The following IGDCC4 variants were observed in gnomAD, a reference collection of about 807,000 sequenced individuals.
IGDCC4 encodes immunoglobulin superfamily DCC subclass member 4.
A neutral mutation model predicts 116.6 loss-of-function variants in IGDCC4; 72 were observed. That is an observed-to-expected ratio of 0.62 (90% CI 0.51 to 0.75). The LOEUF is 0.75. Ranked by LOEUF, IGDCC4 falls within the 30% of genes least tolerant of loss-of-function variation. The pLI, the probability that IGDCC4 is intolerant of heterozygous loss-of-function variation, is 0.00. For synonymous variants in IGDCC4, 709 were observed against 719.9 expected (o/e 0.98, Z 0.24); for missense variants, 1,501 against 1,662.4 (o/e 0.90, Z 1.69).
intron 11 of IGDCC4, 32 bp downstream of exon 11, chr15:65,392,101 TC>T (rs752372650): frequency 4.1e-5 from 62 of 1,502,490 alleles, no homozygotes; most frequent in Non-Finnish European, 5.6e-5. Context: ...TGAAGCTACA[TC>T]CCTCCCTCCC....
At position 65,385,822 on chromosome 15, in the gene IGDCC4, C is replaced by A. The variant is rs750880809; in HGVS notation, c.3180+9G>T. On this transcript the variant is annotated intron_variant, in intron 18 of 19. Coordinates refer to ENST00000352385, the MANE Select transcript of IGDCC4 (RefSeq NM_020962.3). ...TAGAAAAGAGCCGCAATGTGGGGCT[C>A]TGACTTACCTTTCTTTTGGAGTGAC... 1.2e-6 allele frequency: 2 copies of A among 1,608,924 alleles called. No homozygotes were observed. Among genetic ancestry groups the A allele is most frequent in the East Asian group, 4.5e-5 (2 of 44,850 alleles).
rs775747346 is a variant in IGDCC4, at chr15:65,411,067, C to A, written c.374G>T (p.Gly125Val). 6.2e-7 allele frequency: 1 copy of A among 1,613,952 alleles called. No homozygotes were observed. The highest frequency in any genetic ancestry group is 8.5e-7 in the Non-Finnish European group (1 of 1,179,892). ...CTGGCTGGCCAGCACTCCGAGGGGG[C>A]CGTGGGCTAGGCACGAATAGTTGCC... is the stretch of plus-strand genomic sequence containing the variant. ...IEGNYSCLAH[G>V]PLGVLASQTA... The change falls in exon 2 of 20, where the codon GGC becomes GTC. Residue 125 changes from glycine (G) to valine (V), a missense_variant. By Grantham distance (109) the Gly-to-Val change is moderately radical (BLOSUM62 -3). This residue lies in a region of IGDCC4 where 898 missense variants were observed against 978.9 expected (regional missense o/e 0.92). Coordinates refer to ENST00000352385, the MANE Select transcript of IGDCC4 (RefSeq NM_020962.3).
intron 18 of IGDCC4, 52 bp downstream of exon 18, chr15:65,385,779 G>GC: frequency 7.0e-7 from 1 of 1,427,196 alleles, no homozygotes; most frequent in Non-Finnish European, 9.9e-7. Flanking sequence ...GTGCTCTGTC[G>GC]CCCCCTGGTG....
In IGDCC4 at chr15:65,393,659, CA is replaced by C; in HGVS notation, c.1715-129del. Reference sequence around the variant, plus strand: ...CCGTGGGAGCCTGAGGCGTTCTCAGCACTGACCCCTCAGTGCCTGGGCAGAT... The same window carrying C: ...CCGTGGGAGCCTGAGGCGTTCTCAGCCTGACCCCTCAGTGCCTGGGCAGAT... On this transcript the variant is annotated intron_variant, in intron 9 of 19. Transcript: ENST00000352385. The surrounding 1 kb of genome is among the most constrained non-coding windows in gnomAD (Gnocchi z 4.6). 2 of 914,786 alleles carry C rather than the reference CA, an allele frequency of 2.2e-6. No individual in the cohort carries two copies. The highest frequency in any genetic ancestry group is 3.2e-6 in the Non-Finnish European group (2 of 621,466). The allele number at this position is 914,786 out of a possible 1,614,324, so 56.7% of individuals were successfully genotyped here.
chr15:65,393,308 G>C lies in IGDCC4; in HGVS notation c.1885+53C>G. 1 of 1,512,052 alleles carries C rather than the reference G, an allele frequency of 6.6e-7. No homozygotes were observed. Among genetic ancestry groups the C allele is most frequent in the African/African-American group, 1.4e-5 (1 of 72,116 alleles). 93.7% of individuals were successfully genotyped at this position (1,512,052 alleles called of 1,614,324 possible). A position where few individuals can be genotyped will look rare whatever the true frequency, so the allele number is the denominator to read the frequency against. On this transcript the variant is annotated intron_variant, in intron 10 of 19. Transcript: ENST00000352385. The surrounding 1 kb of genome is among the most constrained non-coding windows in gnomAD (Gnocchi z 4.6). ...GGGGCGCTGGGTCCCAAGGACACAC[G>C]CACACCCACACAGTCACACACACAC...
intron 5 of IGDCC4, among the ~76,000 whole-genome samples, chr15:65,398,695 T>C (rs1407514908): frequency 6.6e-6 from 1 of 151,506 alleles, no homozygotes; most frequent in African/African-American, 2.4e-5. Context: ...ATGGAGACCA[T>C]CCTGGCTGAC....
Position 65,386,028 on chromosome 15 carries a change from T to C in IGDCC4, c.2983A>G (p.Thr995Ala). 6.5e-7 allele frequency: 1 copy of C among 1,544,454 alleles called. No homozygotes were observed. Among genetic ancestry groups the C allele is most frequent in the Non-Finnish European group, 8.7e-7 (1 of 1,149,500 alleles). Residue 995 changes from threonine to alanine, a missense_variant, in exon 18 of 20, where the codon ACC becomes GCC. By Grantham distance (58) the Thr-to-Ala change is moderately conservative. This residue lies in a region of IGDCC4 where 368 missense variants were observed against 355.6 expected (regional missense o/e 1.03). Coordinates refer to ENST00000352385, the MANE Select transcript of IGDCC4 (RefSeq NM_020962.3). ...GAGTACAGCGCGGGATTCCCGGGGG[T>C]GGCGGTGGAGGACAGGCCTGGGAGG... is the stretch of plus-strand genomic sequence containing the variant. ...ESLPGLSSTA[T>A]PGNPALYSRA...
rs1228928003 is a variant in IGDCC4 at position 65,383,797 on chromosome 15, C to T, written c.*212G>A. The T allele has an allele frequency of 1.2e-5, 6 of 494,320 alleles. No homozygotes were observed. Among genetic ancestry groups the T allele is most frequent in the East Asian group, 9.3e-5 (3 of 32,172 alleles). The allele number at this position is 494,320 out of a possible 1,614,324, so 30.6% of individuals were successfully genotyped here. A position where few individuals can be genotyped will look rare whatever the true frequency, so the allele number is the denominator to read the frequency against. On this transcript the variant is annotated 3_prime_UTR_variant, in exon 20 of 20. Coordinates refer to ENST00000352385, the MANE Select transcript of IGDCC4 (RefSeq NM_020962.3). ...GTGCACATCACATGTAGCTATGTCT[C>T]GTATGTCTTTCACATGTCACATGTG... is the stretch of plus-strand genomic sequence containing the variant.
intron 1 of IGDCC4, among the ~76,000 whole-genome samples, chr15:65,421,369 TC>T (rs2063188589): frequency 6.6e-6 from 1 of 152,062 alleles, no homozygotes; most frequent in African/African-American, 2.4e-5. Flanking sequence ...AAGACAGACC[TC>T]TCTCTGACAC....
Position 65,392,006 on chromosome 15 carries a change from G to A in IGDCC4, c.2123-25C>T, listed in dbSNP as rs751719920. 5 of 1,587,106 alleles carry A rather than the reference G, an allele frequency of 3.2e-6. No individual in the cohort carries two copies. The South Asian group carries it at 4.6e-5, about 15-fold the overall frequency. ...ACTGGGGAAGGTTACAGGGCTTAAT[G>A]GCTAGGGGGACATCTGGGGTCACTC... On this transcript the variant is annotated intron_variant, in intron 11 of 19. Transcript: ENST00000352385.
chr15:65,385,987 G>GC lies in IGDCC4; in HGVS notation c.3023dup (p.Ser1011GlnfsTer7). On this transcript the variant is annotated frameshift_variant, in exon 18 of 20. Coordinates refer to ENST00000352385, the MANE Select transcript of IGDCC4 (RefSeq NM_020962.3). LOFTEE classifies it high-confidence loss of function. The stretch of plus-strand genomic sequence containing the variant: ...CATGGGCAGCTGGGGGGCTGGGGGG[G>GC]CCAAGCCGAGCTCTGGAGTACAGCG... 1.3e-6 allele frequency: 2 copies of GC among 1,580,536 alleles called. No individual in the cohort carries two copies. The highest frequency in any genetic ancestry group is 1.9e-5 in the Admixed American group (1 of 53,812).
At chr15:65,403,765 C>T (rs374297281) in intron 3 of IGDCC4, among the ~76,000 whole-genome samples, 2 of 152,102 alleles carry the variant, frequency 1.3e-5, no homozygotes, top group East Asian at 1.9e-4. Context: ...TTAGAAGGGG[C>T]ATGATGGATG....
chr15:65,412,135 C>T (rs528423411), intron 1 of IGDCC4, among the ~76,000 whole-genome samples: 1 of 152,088 alleles, frequency 6.6e-6, no homozygotes, highest in South Asian at 2.1e-4. Context: ...AGGAGGATCG[C>T]CTGAGCCTAG....
At position 65,382,524 on chromosome 15, in the gene IGDCC4, CTATGCTCCT is replaced by C. The variant is rs1350548179; in HGVS notation, c.*1476_*1484del. 1 of 152,342 alleles carries C rather than the reference CTATGCTCCT, an allele frequency of 6.6e-6. No individual in the cohort carries two copies. The highest frequency in any genetic ancestry group is 1.5e-5 in the Non-Finnish European group (1 of 68,002). 9.4% of individuals were successfully genotyped at this position (152,342 alleles called of 1,614,324 possible). A position where few individuals can be genotyped will look rare whatever the true frequency, so the allele number is the denominator to read the frequency against. Reference sequence around the variant, plus strand: ...ATTAGGGAGTAAAGACCCTAACATTCTATGCTCCTATGAGAGGGCTGAGGTGAAAAACCA... The same window carrying C: ...ATTAGGGAGTAAAGACCCTAACATTCATGAGAGGGCTGAGGTGAAAAACCA... On this transcript the variant is annotated 3_prime_UTR_variant, in exon 20 of 20. Coordinates refer to ENST00000352385, the MANE Select transcript of IGDCC4 (RefSeq NM_020962.3).
Position 65,411,048 on chromosome 15 carries a change from G to A in IGDCC4, c.393C>T (p.Ala131=), listed in dbSNP as rs753087741. The change falls in exon 2 of 20, where the codon GCC becomes GCT. Residue 131 remains alanine, a synonymous_variant. Coordinates refer to ENST00000352385, the MANE Select transcript of IGDCC4 (RefSeq NM_020962.3). ...CAAGCTTGACGACAGCAGTCTGGCT[G>A]GCCAGCACTCCGAGGGGGCCGTGGG... ...CLAHGPLGVL[A]SQTAVVKLAT... is the part of the protein sequence containing the mutation. The A allele has an allele frequency of 4.4e-5, 71 of 1,612,474 alleles. No homozygotes were observed. Among genetic ancestry groups the A allele is most frequent in the Non-Finnish European group, 5.6e-5 (66 of 1,178,998 alleles).
chr15:65,420,069 C>A (rs2063176493), intron 1 of IGDCC4, among the ~76,000 whole-genome samples: 1 of 152,166 alleles, frequency 6.6e-6, no homozygotes, highest in African/African-American at 2.4e-5. Context: ...GTCTCAGACT[C>A]CCGAGTAGCT....
intron 1 of IGDCC4, among the ~76,000 whole-genome samples, chr15:65,418,017 A>G (rs2063159683): frequency 6.6e-6 from 1 of 152,178 alleles, no homozygotes; most frequent in African/African-American, 2.4e-5. Flanking sequence ...GGTGCTCAAT[A>G]AACATTTCTT....
At chr15:65,396,217 C>CT (rs2062924848) in intron 6 of IGDCC4, 54 bp from the exon 7 acceptor site, 2 of 963,790 alleles carry the variant, frequency 2.1e-6, no homozygotes, top group African/African-American at 2.5e-5. Context: ...AAGGTCTCTG[C>CT]CCCCCCCCCA....
chr15:65,400,920 C>T lies in IGDCC4; in HGVS notation c.727G>A (p.Asp243Asn), dbSNP rs35223184. 9.8e-3 allele frequency: 15,751 copies of T among 1,614,186 alleles called. 87 individuals carry two copies. The highest frequency in any genetic ancestry group is 0.011 in the Non-Finnish European group (12,801 of 1,180,036). ...RGSLASTRGQ[D>N]VVIVAAPENT... ...TCTGGGGCTGCCACAATGACCACGT[C>T]CTGCCCCCTGGTGGACGCCAGGGAC... Residue 243 changes from aspartate to asparagine, a missense_variant, in exon 5 of 20, where the codon GAC becomes AAC. Coordinates refer to ENST00000352385, the MANE Select transcript of IGDCC4 (RefSeq NM_020962.3).
Sources: allele counts gnomAD v4.1 joint callset (sites outside exome capture counted in the v4.1 genomes callset), GRCh38; gene constraint gnomAD v4.1.1; regional missense constraint gnomAD v4.1.1; non-coding constraint Gnocchi (gnomAD v3.1); transcripts MANE v1.5; gene names NCBI Gene and HGNC (gene_info 2026-07-23, HGNC 2026-07-21).